POU2F1: variants seen among roughly 807,000 people sequenced by gnomAD.
POU2F1 encodes POU class 2 homeobox 1.
A neutral mutation model predicts 84.9 loss-of-function variants in POU2F1; 16 were observed. The observed-to-expected ratio is 0.19, with a 90% CI of 0.13 to 0.29. The LOEUF (loss-of-function observed/expected upper bound fraction) is 0.29, where lower values mean the gene tolerates loss of function less well. POU2F1 is among the 10% of genes least tolerant of loss of function. The pLI is 1.00. For missense variants in POU2F1, 738 were observed against 942.6 expected, an observed-to-expected ratio of 0.78 and a Z score of 2.84; for synonymous variants, 368 against 368.3, an observed-to-expected ratio of 1.00 and a Z score of 0.01.
At chr1:167,404,955 A>G (rs942508452) in intron 13 of POU2F1, among the ~76,000 whole-genome samples, 5 of 152,194 alleles carry the variant, frequency 3.3e-5, no homozygotes, top group African/African-American at 1.2e-4. Flanking sequence ...AAATGAAGGG[A>G]AAAACCATAT....
At chr1:167,355,093 T>C (rs1477260779) in intron 2 of POU2F1, among the ~76,000 whole-genome samples, 2 of 152,106 alleles carry the variant, frequency 1.3e-5, no homozygotes, top group East Asian at 1.9e-4. Context: ...GATATTCTTT[T>C]ATGTTATCTT....
In POU2F1 at chr1:167,401,569, C is replaced by A; in HGVS notation, c.1555+13C>A. 6.3e-7 allele frequency: 1 copy of A among 1,579,378 alleles called. No individual in the cohort carries two copies. The highest frequency in any genetic ancestry group is 8.7e-7 in the Non-Finnish European group (1 of 1,156,062). Reference sequence around the variant, plus strand: ...CTTTCAGTTACAGGTAAGCAGCTGCCAGGCCATGCACCTGCTGAGCACATG... The same window carrying A: ...CTTTCAGTTACAGGTAAGCAGCTGCAAGGCCATGCACCTGCTGAGCACATG... On this transcript the variant is annotated intron_variant, in intron 13 of 15. Transcript: ENST00000367866.
intron 1 of POU2F1, among the ~76,000 whole-genome samples, chr1:167,297,978 T>C (rs1403529354): frequency 6.6e-6 from 1 of 151,670 alleles, no homozygotes; most frequent in Non-Finnish European, 1.5e-5. Context: ...AATACAAAAT[T>C]AGCTGGGTGT....
intron 1 of POU2F1, among the ~76,000 whole-genome samples, chr1:167,325,285 A>C (rs984162392): frequency 2.0e-5 from 3 of 152,180 alleles, no homozygotes; most frequent in African/African-American, 7.2e-5. Context: ...CAGTGGTGCT[A>C]AAAGATGCAG....
At position 167,286,963 on chromosome 1, in the gene POU2F1, C is replaced by T. The variant is rs568321558; in HGVS notation, c.62-45507C>T. ...TTAATGGTTATCAAGCTAATGCAGGCGCTGCCCTAAGTAAGGGCCTTTGTT... is the reference window on the plus strand; with the variant it reads ...TTAATGGTTATCAAGCTAATGCAGGTGCTGCCCTAAGTAAGGGCCTTTGTT... On this transcript the variant is annotated intron_variant, in intron 1 of 15. Coordinates refer to ENST00000367866, the MANE Select transcript of POU2F1 (RefSeq NM_002697.4). Among the ~76,000 whole-genome samples, 80 of 152,302 alleles carry T rather than the reference C, an allele frequency of 5.3e-4. 1 individual carries two copies. The South Asian group carries it at 0.016, about 30-fold the overall frequency.
At chr1:167,267,765 C>T (rs1403706413) in intron 1 of POU2F1, among the ~76,000 whole-genome samples, 1 of 150,466 alleles carries the variant, frequency 6.6e-6, no homozygotes, top group Non-Finnish European at 1.5e-5. Context: ...CTTCAGCCTC[C>T]CTAGTAGCTG....
At chr1:167,282,213 G>T (rs911311561) in intron 1 of POU2F1, among the ~76,000 whole-genome samples, 1 of 151,498 alleles carries the variant, frequency 6.6e-6, no homozygotes, top group African/African-American at 2.4e-5. Context: ...CGCGATCCCG[G>T]CTCACTGCAA....
At chr1:167,397,840 C>T (rs1012971782) in intron 10 of POU2F1, among the ~76,000 whole-genome samples, 154 bp from the exon 11 acceptor site, 6 of 152,168 alleles carry the variant, frequency 3.9e-5, no homozygotes, top group African/African-American at 9.7e-5. Flanking sequence ...CCACCATGCC[C>T]GGCCAATAAG....
chr1:167,326,112 A>G (rs1226995982), intron 1 of POU2F1, among the ~76,000 whole-genome samples: 1 of 151,924 alleles, frequency 6.6e-6, no homozygotes, highest in Non-Finnish European at 1.5e-5. Flanking sequence ...CCCACCCCCA[A>G]TCCAGGTCCT....
At chr1:167,390,617 T>C (rs1203955223) in intron 9 of POU2F1, among the ~76,000 whole-genome samples, 1 of 151,834 alleles carries the variant, frequency 6.6e-6, no homozygotes, top group Non-Finnish European at 1.5e-5. Context: ...ACCCTGTCTC[T>C]CCAAAAAGTA....
At chr1:167,279,443 T>A (rs968969463) in intron 1 of POU2F1, among the ~76,000 whole-genome samples, 3 of 152,228 alleles carry the variant, frequency 2.0e-5, no homozygotes, top group African/African-American at 7.2e-5. Flanking sequence ...CAGATAAATA[T>A]AGAAATTCTT....
intron 1 of POU2F1, among the ~76,000 whole-genome samples, chr1:167,285,823 G>A (rs1243862017): frequency 1.8e-4 from 27 of 152,174 alleles, no homozygotes; most frequent in Non-Finnish European, 8.8e-5. Context: ...CTCTTCTCAA[G>A]AAGGTTGTTC....
At chr1:167,264,604 A>G (rs1557855684) in intron 1 of POU2F1, among the ~76,000 whole-genome samples, 1 of 152,194 alleles carries the variant, frequency 6.6e-6, no homozygotes, top group African/African-American at 2.4e-5. Context: ...GATTAATAAT[A>G]TATCCAAAAT....
At chr1:167,344,684 CA>C (rs1200560931) in intron 2 of POU2F1, among the ~76,000 whole-genome samples, 2 of 152,022 alleles carry the variant, frequency 1.3e-5, no homozygotes, top group African/African-American at 4.8e-5. Flanking sequence ...ACACGGAAAG[CA>C]AGTAGGTATG....
chr1:167,267,171 T>C lies in POU2F1; in HGVS notation c.61+46213T>C, dbSNP rs183426774. On this transcript the variant is annotated intron_variant, in intron 1 of 15. Coordinates refer to ENST00000367866, the MANE Select transcript of POU2F1 (RefSeq NM_002697.4). ...AATGAAGGTATAATGTGTACTGATA[T>C]AAAAAGAGCTATCAAATATATTAAA... Among the ~76,000 whole-genome samples the C allele has an allele frequency of 3.5e-3, 492 of 142,160 alleles. 5 individuals are homozygous for C. Among genetic ancestry groups the C allele is most frequent in the African/African-American group, 0.012 (459 of 38,000 alleles). 93.3% of individuals were successfully genotyped at this position (142,160 alleles called of 152,430 possible). A position where few individuals can be genotyped will look rare whatever the true frequency, so the allele number is the denominator to read the frequency against.
intron 15 of POU2F1, chr1:167,414,398 C>G: frequency 1.0e-6 from 1 of 985,354 alleles, no homozygotes; most frequent in Non-Finnish European, 1.2e-6. Context: ...GCTGCACTGT[C>G]TCACTGTTCT....
At chr1:167,225,127 C>T (rs1648533044) in intron 1 of POU2F1, among the ~76,000 whole-genome samples, 1 of 152,188 alleles carries the variant, frequency 6.6e-6, no homozygotes, top group Non-Finnish European at 1.5e-5. Flanking sequence ...CATGCCCAGC[C>T]CGTTGTCACT....
intron 13 of POU2F1, among the ~76,000 whole-genome samples, chr1:167,404,546 C>A (rs890654091): frequency 6.6e-6 from 1 of 152,136 alleles, no homozygotes; most frequent in Non-Finnish European, 1.5e-5. Context: ...GAATCCTTAG[C>A]GTTCCATAGT....
chr1:167,342,158 G>A (rs894236104), intron 2 of POU2F1, among the ~76,000 whole-genome samples: 17 of 152,082 alleles, frequency 1.1e-4, no homozygotes, highest in Non-Finnish European at 2.1e-4. Flanking sequence ...TAGGACCATG[G>A]GTTTCCAGGC....
Sources: gnomAD v4.1 joint callset for allele counts (sites outside exome capture counted in the v4.1 genomes callset) on GRCh38, gnomAD v4.1.1 for gene constraint, MANE v1.5 for transcripts, NCBI Gene and HGNC (gene_info 2026-07-23, HGNC 2026-07-21) for gene names.